The following DYNC1H1 variants were observed in gnomAD, a reference collection of about 807,000 sequenced individuals.
DYNC1H1 encodes dynein cytoplasmic 1 heavy chain 1, also known as cytoplasmic dynein 1 heavy chain 1.
A neutral mutation model predicts 527.1 loss-of-function variants in DYNC1H1; 51 were observed. The ratio of observed to expected loss-of-function variants is 0.10; its 90% CI spans 0.08 to 0.12. The LOEUF is 0.12. Among genes scored for constraint, DYNC1H1 ranks in the 10% least tolerant of loss-of-function variants. The pLI is 1.00. For missense variants in DYNC1H1, 2,771 were observed against 5,971.8 expected, an observed-to-expected ratio of 0.46 and a Z score of 17.66; for synonymous variants, 2,189 against 2,278.8, an observed-to-expected ratio of 0.96 and a Z score of 1.12.
intron 23 of DYNC1H1, 113 bp from the exon 24 acceptor site, chr14:102,004,405 A>G: frequency 1.6e-6 from 2 of 1,239,694 alleles, no homozygotes; most frequent in South Asian, 3.2e-5. Flanking sequence ...TGGGCTGGAG[A>G]TTGCCACCAC....
rs1362941876 is a variant in DYNC1H1 at position 102,044,516 on chromosome 14, A to G, written c.12902+25A>G. Reference sequence around the variant, plus strand: ...GGTATGCTGCTGCCTGCTGGAATGGAGACAGTTGTGATGTCAGGGCGTCTG... The same window carrying G: ...GGTATGCTGCTGCCTGCTGGAATGGGGACAGTTGTGATGTCAGGGCGTCTG... On this transcript the variant is annotated intron_variant, in intron 71 of 77. Transcript: ENST00000360184. The surrounding 1 kb of genome is among the most constrained non-coding windows in gnomAD (Gnocchi z 7.1). The G allele has an allele frequency of 3.1e-6, 5 of 1,614,134 alleles. No homozygotes were observed. In the East Asian group the frequency reaches 8.9e-5, roughly 29 times the overall value.
Position 102,017,514 on chromosome 14 carries a change from C to T in DYNC1H1, c.8177+10C>T. On this transcript the variant is annotated intron_variant, in intron 40 of 77. Transcript: ENST00000360184. This position sits in a 1 kb window ranked among gnomAD's most constrained non-coding sequence, Gnocchi z 4.6. ...AGCCCCTCTCACACAGGTAAAACAG[C>T]TCGGTAGACTGCTCTGCTTCACACA... 1 of 1,613,572 alleles carries T rather than the reference C, an allele frequency of 6.2e-7. No individual in the cohort carries two copies. Among genetic ancestry groups the T allele is most frequent in the Non-Finnish European group, 8.5e-7 (1 of 1,179,994 alleles).
In DYNC1H1 at chr14:102,015,129, G is replaced by A. The variant is rs2048305133; in HGVS notation, c.7039G>A (p.Asp2347Asn). The change falls in exon 35 of 78, where the codon GAC becomes AAC. Residue 2347 changes from aspartate to asparagine, a missense_variant. This residue lies in a region of DYNC1H1 where 56 missense variants were observed against 183.8 expected (regional missense o/e 0.30). Transcript: ENST00000360184. This position sits in a 1 kb window ranked among gnomAD's most constrained non-coding sequence, Gnocchi z 6.9. ...PNVRIMFEVQ[D>N]LKYATLATVS... ...GGTGAGAATAATGTTTGAGGTACAG[G>A]ACTTGAAATACGCGACCTTGGCCAC... The A allele has an allele frequency of 2.5e-6, 4 of 1,614,226 alleles. No homozygotes were observed. Among genetic ancestry groups the A allele is most frequent in the Non-Finnish European group, 3.4e-6 (4 of 1,180,046 alleles).
In DYNC1H1 at chr14:102,028,325, A is replaced by G. The variant is rs186779768; in HGVS notation, c.9468+184A>G. The G allele has an allele frequency of 2.6e-5, 17 of 647,640 alleles. No homozygotes were observed. The Admixed American group carries it at 4.0e-4, about 15-fold the overall frequency. The allele number at this position is 647,640 out of a possible 1,614,324, so 40.1% of individuals were successfully genotyped here. A position where few individuals can be genotyped will look rare whatever the true frequency, so the allele number is the denominator to read the frequency against. On this transcript the variant is annotated intron_variant, in intron 48 of 77. Transcript: ENST00000360184. ...CCAGGAGTTCAAGACCAGCCTGGGC[A>G]ACATGGCGAGACCCCATCTCTACAA... is the stretch of plus-strand genomic sequence containing the variant.
intron 56 of DYNC1H1, 110 bp downstream of exon 56, chr14:102,034,562 G>A: frequency 6.4e-7 from 1 of 1,569,876 alleles, no homozygotes; most frequent in South Asian, 1.1e-5. Flanking sequence ...TGGGGCGTGG[G>A]CATACAGTGC....
rs2048325179 is a variant in DYNC1H1, at chr14:102,016,566, G to A, written c.7614+77G>A. On this transcript the variant is annotated intron_variant, in intron 37 of 77. Coordinates refer to ENST00000360184, the MANE Select transcript of DYNC1H1 (RefSeq NM_001376.5). This position sits in a 1 kb window ranked among gnomAD's most constrained non-coding sequence, Gnocchi z 7.3. ...CTCATCCTGGAACAAGCTGACCATG[G>A]ACCTTGGCTTCGTCTTTTCATTTTA... 3.1e-6 allele frequency: 5 copies of A among 1,612,222 alleles called. No homozygotes were observed. In the East Asian group the frequency reaches 8.9e-5, roughly 29 times the overall value.
At chr14:101,984,865 G>A (rs374648894) in intron 7 of DYNC1H1, among the ~76,000 whole-genome samples, 28 of 148,356 alleles carry the variant, frequency 1.9e-4, no homozygotes, top group East Asian at 1.8e-3. Context: ...CCCAGGAGAC[G>A]GAGCTTGCAG....
At position 102,001,788 on chromosome 14, in the gene DYNC1H1, T is replaced by G; in HGVS notation, c.4542+107T>G. 1 of 1,500,382 alleles carries G rather than the reference T, an allele frequency of 6.7e-7. No individual in the cohort carries two copies. Among genetic ancestry groups the G allele is most frequent in the Non-Finnish European group, 9.1e-7 (1 of 1,093,338 alleles). The allele number at this position is 1,500,382 out of a possible 1,614,324, so 92.9% of individuals were successfully genotyped here. ...AGGTACCTGTTTTTTATTGTATTTT[T>G]TGAGACAGGGTCTCACTCTGTCTCC... On this transcript the variant is annotated intron_variant, in intron 21 of 77. Transcript: ENST00000360184. The surrounding 1 kb of genome is among the most constrained non-coding windows in gnomAD (Gnocchi z 5.0).
rs765362140 is a variant in DYNC1H1 at position 102,050,157 on chromosome 14, C to T, written c.13771C>T (p.Arg4591Cys). The stretch of plus-strand genomic sequence containing the variant: ...AACCGCCCTTCCCCTGACGCAGCTG[C>T]GCTGGGTCAAGCAGACAAACACCGA... ...ISTALPLTQL[R>C]WVKQTNTEKK... The change falls in exon 77 of 78, where the codon CGC (arginine) becomes TGC (cysteine). Residue 4591 changes from arginine to cysteine, a missense_variant. Around this residue, in one of 32 missense-constraint regions of DYNC1H1, gnomAD observed 106 missense variants for 139.2 expected, o/e 0.76. Coordinates refer to ENST00000360184, the MANE Select transcript of DYNC1H1 (RefSeq NM_001376.5). The T allele has an allele frequency of 1.1e-5, 18 of 1,614,064 alleles. No individual in the cohort carries two copies. Among genetic ancestry groups the T allele is most frequent in the East Asian group, 4.5e-5 (2 of 44,872 alleles).
Position 101,980,464 on chromosome 14 carries a change from G to A in DYNC1H1, c.875G>A (p.Arg292Gln), listed in dbSNP as rs2047850697. 1.9e-6 allele frequency: 3 copies of A among 1,614,066 alleles called. No homozygotes were observed. The highest frequency in any genetic ancestry group is 1.3e-5 in the African/African-American group (1 of 74,916). The change falls in exon 5 of 78, where the codon CGG (arginine) becomes CAG (glutamine). Residue 292 changes from arginine (R) to glutamine (Q), a missense_variant. Physicochemically the swap from Arg to Gln is conservative, Grantham distance 43. This residue lies in a region of DYNC1H1 where 146 missense variants were observed against 288.1 expected (regional missense o/e 0.51). Coordinates refer to ENST00000360184, the MANE Select transcript of DYNC1H1 (RefSeq NM_001376.5). ...GCGTTATACCGCATCCAGGAGAAACGGGAGAGCCCGGAAGTTCTCCTGACT... is the reference window on the plus strand; with the variant it reads ...GCGTTATACCGCATCCAGGAGAAACAGGAGAGCCCGGAAGTTCTCCTGACT... ...ERALYRIQEK[R>Q]ESPEVLLTLD...
Position 102,004,970 on chromosome 14 carries a change from A to G in DYNC1H1, c.5238+20A>G. The G allele has an allele frequency of 6.2e-7, 1 of 1,614,212 alleles. No individual in the cohort carries two copies. Among genetic ancestry groups the G allele is most frequent in the Non-Finnish European group, 8.5e-7 (1 of 1,180,034 alleles). On this transcript the variant is annotated intron_variant, in intron 25 of 77. Coordinates refer to ENST00000360184, the MANE Select transcript of DYNC1H1 (RefSeq NM_001376.5). ...TACCAGGTAATCTATAGTAGAAGTG[A>G]GTGGGCTCGTGGTGAAAACGCAGAC...
In DYNC1H1 at chr14:102,050,932, A is replaced by G; in HGVS notation, c.*369A>G. On this transcript the variant is annotated 3_prime_UTR_variant, in exon 78 of 78. Transcript: ENST00000360184. ...CATGAGCTCGCTCCCGAGCGGCCAC[A>G]GCACTCATGAATGAAGACCTTGGGG... 2 of 353,996 alleles carry G rather than the reference A, an allele frequency of 5.6e-6. No individual in the cohort carries two copies. Among genetic ancestry groups the G allele is most frequent in the Non-Finnish European group, 1.1e-5 (2 of 183,422 alleles). 21.9% of individuals were successfully genotyped at this position (353,996 alleles called of 1,614,324 possible).
intron 56 of DYNC1H1, 68 bp downstream of exon 56, chr14:102,034,520 A>G: frequency 6.2e-7 from 1 of 1,609,286 alleles, no homozygotes; most frequent in Non-Finnish European, 8.5e-7. Context: ...TTTTTTCAAA[A>G]TACACCCTTG....
At chr14:102,040,494 C>CTTCT in intron 63 of DYNC1H1, 84 bp downstream of exon 63, 1 of 1,612,666 alleles carries the variant, frequency 6.2e-7, no homozygotes, top group Non-Finnish European at 8.5e-7. Flanking sequence ...GTATAAAACC[C>CTTCT]AGAATGTTGT....
intron 42 of DYNC1H1, 135 bp from the exon 43 acceptor site, chr14:102,022,616 A>G (rs1294484895): frequency 4.9e-6 from 6 of 1,218,430 alleles, no homozygotes; most frequent in Non-Finnish European, 2.4e-6. Context: ...TCATCCATGC[A>G]TAGTAAAGGA....
chr14:102,048,868 G>C, intron 74 of DYNC1H1, 199 bp downstream of exon 74: 1 of 726,020 alleles, frequency 1.4e-6, no homozygotes, highest in Non-Finnish European at 2.2e-6. Context: ...TTTTTCTTCT[G>C]TGCTGGTTCA....
At position 102,034,461 on chromosome 14, in the gene DYNC1H1, T is replaced by C. The variant is rs1368921724; in HGVS notation, c.10754+9T>C. ...CTGAAACGATTCAATAGGTATGAGC[T>C]CGGGTGCCAAGGAGAGGCATGGGAG... On this transcript the variant is annotated intron_variant, in intron 56 of 77. Transcript: ENST00000360184. 6.2e-7 allele frequency: 1 copy of C among 1,612,456 alleles called. No individual in the cohort carries two copies. The highest frequency in any genetic ancestry group is 8.5e-7 in the Non-Finnish European group (1 of 1,180,024).
In DYNC1H1 at chr14:102,017,793, C is replaced by T. The variant is rs368538431; in HGVS notation, c.8177+289C>T. ...CATCCTGGCCAACACAGTGAAACCT[C>T]GTCTCTACTGAAAATACAAAAACAA... On this transcript the variant is annotated intron_variant, in intron 40 of 77. Coordinates refer to ENST00000360184, the MANE Select transcript of DYNC1H1 (RefSeq NM_001376.5). This position sits in a 1 kb window ranked among gnomAD's most constrained non-coding sequence, Gnocchi z 4.6. The T allele has an allele frequency of 1.4e-5, 6 of 438,688 alleles. No homozygotes were observed. In the East Asian group the frequency reaches 2.6e-4, roughly 19 times the overall value. 27.2% of individuals were successfully genotyped at this position (438,688 alleles called of 1,614,324 possible). A position where few individuals can be genotyped will look rare whatever the true frequency, so the allele number is the denominator to read the frequency against.
intron 1 of DYNC1H1, among the ~76,000 whole-genome samples, chr14:101,971,298 T>C (rs990825466): frequency 1.3e-5 from 2 of 151,888 alleles, no homozygotes; most frequent in Non-Finnish European, 2.9e-5. Flanking sequence ...GGTCTCAAAC[T>C]CCTGAGCTCG....
Sources: gnomAD v4.1 joint callset for allele counts (sites outside exome capture counted in the v4.1 genomes callset) on GRCh38, gnomAD v4.1.1 for gene constraint, gnomAD v4.1.1 regional missense constraint, Gnocchi (gnomAD v3.1) non-coding constraint, MANE v1.5 for transcripts, NCBI Gene and HGNC (gene_info 2026-07-23, HGNC 2026-07-21) for gene names.